ARHGAP10: variants seen among roughly 807,000 people sequenced by gnomAD.
ARHGAP10 encodes the protein Rho GTPase activating protein 10, also known as rho GTPase-activating protein 10.
A neutral mutation model predicts 108.6 loss-of-function variants in ARHGAP10; 87 were observed. The ratio of observed to expected loss-of-function variants is 0.80; its 90% CI spans 0.67 to 0.96. The LOEUF (loss-of-function observed/expected upper bound fraction) is 0.96. Among genes scored for constraint, ARHGAP10 ranks in the 40% least tolerant of loss-of-function variants. The pLI, the probability that ARHGAP10 is intolerant of heterozygous loss-of-function variation, is 0.00. For missense variants in ARHGAP10, 939 were observed against 954.5 expected (o/e 0.98, Z 0.21); for synonymous variants, 347 against 341.1 (o/e 1.02, Z -0.19).
intron 18 of ARHGAP10, among the ~76,000 whole-genome samples, chr4:147,995,494 T>C (rs980088242): frequency 6.6e-6 from 1 of 152,230 alleles, no homozygotes; most frequent in Non-Finnish European, 1.5e-5. Flanking sequence ...TTACCGTATA[T>C]TATGTTTTCC....
intron 7 of ARHGAP10, among the ~76,000 whole-genome samples, chr4:147,873,827 A>G (rs1424939915): frequency 6.7e-6 from 1 of 149,608 alleles, no homozygotes. Context: ...ATGAGGTATT[A>G]TCATGCCACT....
intron 18 of ARHGAP10, among the ~76,000 whole-genome samples, chr4:147,972,634 A>G (rs112146231): frequency 0.02 from 2,983 of 152,296 alleles, 104 homozygotes; most frequent in African/African-American, 0.068. Flanking sequence ...TGCTAGTGTC[A>G]GGGTTGTCTA....
At chr4:147,737,327 T>A (rs1165732063) in intron 1 of ARHGAP10, among the ~76,000 whole-genome samples, 1 of 110,140 alleles carries the variant, frequency 9.1e-6, no homozygotes, top group East Asian at 2.8e-4. Flanking sequence ...ATTTTTGTAC[T>A]TTTTTTTTTT....
intron 16 of ARHGAP10, among the ~76,000 whole-genome samples, chr4:147,957,274 G>A (rs1738820762): frequency 6.6e-6 from 1 of 152,110 alleles, no homozygotes. Flanking sequence ...TGTATTTTAG[G>A]GGCCAAGGTT....
intron 18 of ARHGAP10, among the ~76,000 whole-genome samples, chr4:147,974,429 A>T (rs747000826): frequency 2.0e-5 from 3 of 152,188 alleles, no homozygotes; most frequent in Non-Finnish European, 4.4e-5. Context: ...AAAAGCATCA[A>T]AGATCATATT....
chr4:147,940,420 G>A lies in ARHGAP10; in HGVS notation c.1303+521G>A, dbSNP rs554156492. On this transcript the variant is annotated intron_variant, in intron 14 of 22. Transcript: ENST00000336498. ...TGATAACACAGTGTTCTTTGGCATC[G>A]CAGACTAGAGGAAGCCAGAAAGTGA... Among the ~76,000 whole-genome samples, 12 of 152,232 alleles carry A rather than the reference G, an allele frequency of 7.9e-5. No individual in the cohort carries two copies. The East Asian group carries it at 1.2e-3, about 15-fold the overall frequency.
At position 148,006,042 on chromosome 4, in the gene ARHGAP10, C is replaced by T. The variant is rs181574567; in HGVS notation, c.1717-17221C>T. ...CTTTCCCTTAAACCTGAGTAGAACT[C>T]GAGACTGTTTTGATCATTATACTAT... On this transcript the variant is annotated intron_variant, in intron 18 of 22. Coordinates refer to ENST00000336498, the MANE Select transcript of ARHGAP10 (RefSeq NM_024605.4). Among the ~76,000 whole-genome samples the T allele has an allele frequency of 4.2e-3, 646 of 152,290 alleles. 2 individuals carry two copies. Among genetic ancestry groups the T allele is most frequent in the Non-Finnish European group, 7.0e-3 (473 of 68,030 alleles).
intron 18 of ARHGAP10, among the ~76,000 whole-genome samples, chr4:147,973,246 A>C (rs145575765): frequency 5.3e-4 from 80 of 152,310 alleles, no homozygotes; most frequent in African/African-American, 1.8e-3. Flanking sequence ...CTAGTGCCTG[A>C]GTTTTACATG....
intron 1 of ARHGAP10, among the ~76,000 whole-genome samples, chr4:147,798,771 CTCTCTCTCTCTATATATATATATATATA>C (rs1731446784): frequency 2.0e-4 from 1 of 5,018 alleles, no homozygotes; most frequent in African/African-American, 2.4e-4. Context: ...CTCTCTCTCT[CTCTCTCTCTCTATATATATATATATATA>C]TATATATATA....
intron 18 of ARHGAP10, among the ~76,000 whole-genome samples, chr4:148,006,158 G>A (rs905927014): frequency 2.6e-5 from 4 of 152,142 alleles, no homozygotes; most frequent in African/African-American, 4.8e-5. Flanking sequence ...GCCAGCTGCC[G>A]TGTTAAAAGT....
chr4:148,004,975 C>T (rs1740887024), intron 18 of ARHGAP10, among the ~76,000 whole-genome samples: 2 of 152,200 alleles, frequency 1.3e-5, no homozygotes, highest in Non-Finnish European at 2.9e-5. Flanking sequence ...AAAACTAATA[C>T]ACTGAAAAAT....
rs115613443 is a variant in ARHGAP10 at position 147,885,769 on chromosome 4, A to G, written c.1034+3837A>G. Among the ~76,000 whole-genome samples, 113 of 152,148 alleles carry G rather than the reference A, an allele frequency of 7.4e-4. 1 individual carries two copies. Among genetic ancestry groups the G allele is most frequent in the African/African-American group, 2.6e-3 (109 of 41,500 alleles). Reference sequence around the variant, plus strand: ...AGCTGTTGCTCCTTTAAATGTTGCCATTTCCTATAGTTGTTTTTCTGTATC... The same window carrying G: ...AGCTGTTGCTCCTTTAAATGTTGCCGTTTCCTATAGTTGTTTTTCTGTATC... On this transcript the variant is annotated intron_variant, in intron 10 of 22. Coordinates refer to ENST00000336498, the MANE Select transcript of ARHGAP10 (RefSeq NM_024605.4).
At chr4:147,761,304 A>G (rs1014729792) in intron 1 of ARHGAP10, among the ~76,000 whole-genome samples, 2 of 152,238 alleles carry the variant, frequency 1.3e-5, no homozygotes, top group African/African-American at 4.8e-5. Context: ...GGTGTGAGCC[A>G]CTGCACCCGG....
Position 147,857,095 on chromosome 4 carries a change from G to T in ARHGAP10, c.385-458G>T, listed in dbSNP as rs184683591. On this transcript the variant is annotated intron_variant, in intron 4 of 22. Coordinates refer to ENST00000336498, the MANE Select transcript of ARHGAP10 (RefSeq NM_024605.4). ...TCGAACTCCTGACCTCAGGTGATCC[G>T]CCCGTCTTGGCCTCCCAAAGTGCTG... Among the ~76,000 whole-genome samples the T allele has an allele frequency of 3.1e-3, 468 of 152,204 alleles. 13 individuals carry two copies. The highest frequency in any genetic ancestry group is 0.027 in the Admixed American group (415 of 15,292).
rs555001414 is a variant in ARHGAP10, at chr4:147,816,128, C to T, written c.155-6599C>T. Among the ~76,000 whole-genome samples the T allele has an allele frequency of 4.6e-5, 7 of 151,964 alleles. 1 individual carries two copies. Among genetic ancestry groups the T allele is most frequent in the African/African-American group, 1.4e-4 (6 of 41,420 alleles). On this transcript the variant is annotated intron_variant, in intron 1 of 22. Coordinates refer to ENST00000336498, the MANE Select transcript of ARHGAP10 (RefSeq NM_024605.4). The stretch of plus-strand genomic sequence containing the variant: ...TGGGCTAGGTGGTCGCCAGCATTCT[C>T]GTCCTATCTCCCATCCTGATGTGGC...
chr4:147,862,882 C>T (rs1734386576), intron 5 of ARHGAP10: 1 of 152,126 alleles, frequency 6.6e-6, no homozygotes, highest in African/African-American at 2.4e-5. Flanking sequence ...GGGAGATGTG[C>T]CAACTAACTG....
intron 20 of ARHGAP10, among the ~76,000 whole-genome samples, chr4:148,058,107 T>C (rs928623799): frequency 1.1e-4 from 16 of 152,220 alleles, no homozygotes; most frequent in Admixed American, 7.2e-4. Context: ...ACAGAGATTT[T>C]CCCATAATAT....
At chr4:147,782,994 A>G (rs1238160304) in intron 1 of ARHGAP10, among the ~76,000 whole-genome samples, 5 of 139,542 alleles carry the variant, frequency 3.6e-5, no homozygotes, top group Non-Finnish European at 7.7e-5. Context: ...TAAATTATAT[A>G]TATTATATAA....
At chr4:147,778,796 A>G (rs903367154) in intron 1 of ARHGAP10, among the ~76,000 whole-genome samples, 3 of 152,196 alleles carry the variant, frequency 2.0e-5, no homozygotes, top group Non-Finnish European at 2.9e-5. Context: ...TCATTTTAAT[A>G]AGTGTTGAGT....
Sources: gnomAD v4.1 joint callset for allele counts (sites outside exome capture counted in the v4.1 genomes callset) on GRCh38, gnomAD v4.1.1 for gene constraint, MANE v1.5 for transcripts, NCBI Gene and HGNC (gene_info 2026-07-23, HGNC 2026-07-21) for gene names.